Variants in ACTR3B observed in about 807,000 individuals in gnomAD.
ACTR3B encodes actin-related protein 3B.
ACTR3B carries 8 observed loss-of-function variants against 59.0 expected under a neutral mutation model. That is an observed-to-expected ratio of 0.14 (90% CI 0.08 to 0.24). The LOEUF is 0.24. ACTR3B is among the 10% of genes least tolerant of loss of function. The pLI is 1.00. For missense variants in ACTR3B, 245 were observed against 552.3 expected (o/e 0.44, Z 5.58); for synonymous variants, 148 against 197.9 (o/e 0.75, Z 2.12).
chr7:152,815,319 G>A (rs1387516841), intron 5 of ACTR3B, among the ~76,000 whole-genome samples: 1 of 152,234 alleles, frequency 6.6e-6, no homozygotes, highest in Non-Finnish European at 1.5e-5. Context: ...GCGCCTATCA[G>A]CACAGTCCAG....
intron 1 of ACTR3B, among the ~76,000 whole-genome samples, chr7:152,778,943 C>CAAAAAAAAA (rs59789390): frequency 1.1e-4 from 4 of 36,798 alleles, no homozygotes; most frequent in Non-Finnish European, 1.8e-4. Context: ...ACTGTGTCTC[C>CAAAAAAAAA]AAAAAAAAAA....
chr7:152,766,997 A>C (rs931647857), intron 1 of ACTR3B, among the ~76,000 whole-genome samples: 4 of 151,820 alleles, frequency 2.6e-5, no homozygotes, highest in Non-Finnish European at 5.9e-5. Context: ...CATATTGGTC[A>C]GGCTGATCTC....
intron 1 of ACTR3B, among the ~76,000 whole-genome samples, chr7:152,765,409 G>A (rs899862501): frequency 9.4e-5 from 14 of 149,224 alleles, no homozygotes; most frequent in Non-Finnish European, 7.4e-5. Context: ...GAGCCACTGC[G>A]CCTGGCTTTT....
At chr7:152,850,269 G>T (rs910556980) in intron 9 of ACTR3B, among the ~76,000 whole-genome samples, 9 of 150,496 alleles carry the variant, frequency 6.0e-5, no homozygotes, top group Non-Finnish European at 1.5e-5. Flanking sequence ...GGCTTCTCCA[G>T]GTAGAAGTTC....
At chr7:152,779,847 A>G (rs1263816882) in intron 1 of ACTR3B, among the ~76,000 whole-genome samples, 3 of 152,182 alleles carry the variant, frequency 2.0e-5, no homozygotes, top group Non-Finnish European at 4.4e-5. Context: ...AATGTCTCAG[A>G]TTTTGTTTGA....
At chr7:152,843,376 T>A (rs1798019602) in intron 9 of ACTR3B, among the ~76,000 whole-genome samples, 1 of 152,254 alleles carries the variant, frequency 6.6e-6, no homozygotes, top group South Asian at 2.1e-4. Context: ...AATGAGAAAG[T>A]AAATAAATGT....
Position 152,849,070 on chromosome 7 carries a change from G to A in ACTR3B, c.952-3056G>A, listed in dbSNP as rs115255058. Among the ~76,000 whole-genome samples the A allele has an allele frequency of 2.7e-3, 407 of 152,306 alleles. 1 individual carries two copies. The highest frequency in any genetic ancestry group is 3.6e-3 in the Non-Finnish European group (245 of 68,032). ...GAGGGGCGTCAGGGGGCTGCCTCTC[G>A]AGAAATGGACGTGACAGCGGTTTCC... On this transcript the variant is annotated intron_variant, in intron 9 of 11. Coordinates refer to ENST00000256001, the MANE Select transcript of ACTR3B (RefSeq NM_020445.6).
chr7:152,831,502 C>T (rs1756259441), intron 9 of ACTR3B, among the ~76,000 whole-genome samples: 1 of 152,138 alleles, frequency 6.6e-6, no homozygotes, highest in Non-Finnish European at 1.5e-5. Flanking sequence ...CCACTGAGCC[C>T]CTGAAATGTG....
chr7:152,766,728 G>T (rs1379411623), intron 1 of ACTR3B, among the ~76,000 whole-genome samples: 3 of 152,150 alleles, frequency 2.0e-5, no homozygotes, highest in Non-Finnish European at 4.4e-5. Context: ...TAGATTTTGA[G>T]TCATAGTTAA....
At chr7:152,837,741 C>T (rs1284939010) in intron 9 of ACTR3B, among the ~76,000 whole-genome samples, 2 of 152,174 alleles carry the variant, frequency 1.3e-5, no homozygotes, top group South Asian at 2.1e-4. Flanking sequence ...ATAACGGTAC[C>T]TGTCACACTG....
chr7:152,839,044 C>T (rs1280459493), intron 9 of ACTR3B, among the ~76,000 whole-genome samples: 1 of 151,332 alleles, frequency 6.6e-6, no homozygotes, highest in African/African-American at 2.4e-5. Flanking sequence ...TGGCAGGGAG[C>T]ATGAGGCTGT....
chr7:152,831,041 C>T (rs1462006151), intron 9 of ACTR3B, among the ~76,000 whole-genome samples: 1 of 152,178 alleles, frequency 6.6e-6, no homozygotes, highest in Non-Finnish European at 1.5e-5. Flanking sequence ...GGCTAGTGGG[C>T]AGAGAAGGTT....
At chr7:152,815,992 G>A (rs531211312) in intron 5 of ACTR3B, among the ~76,000 whole-genome samples, 2 of 151,662 alleles carry the variant, frequency 1.3e-5, no homozygotes, top group Non-Finnish European at 2.9e-5. Flanking sequence ...TGTTGTCCAG[G>A]CTGGAGTGCA....
In ACTR3B at chr7:152,854,322, G is replaced by A; in HGVS notation, c.1162-136G>A. 1.4e-6 allele frequency: 1 copy of A among 731,372 alleles called. No homozygotes were observed. 45.3% of individuals were successfully genotyped at this position (731,372 alleles called of 1,614,324 possible). On this transcript the variant is annotated intron_variant, in intron 11 of 11. Transcript: ENST00000256001. This position sits in a 1 kb window ranked among gnomAD's most constrained non-coding sequence, Gnocchi z 4.9. ...TTTAGTAGTTTAGTACATCAGAGAG[G>A]TAAAATCTTGCAGCAGCGGTCCTGG... is the stretch of plus-strand genomic sequence containing the variant.
intron 1 of ACTR3B, among the ~76,000 whole-genome samples, chr7:152,763,558 G>A (rs923419311): frequency 4.0e-5 from 6 of 151,710 alleles, no homozygotes; most frequent in African/African-American, 1.5e-4. Context: ...TGGGTAGCTG[G>A]GATTACAGGC....
chr7:152,803,602 G>A (rs539446287), intron 4 of ACTR3B, among the ~76,000 whole-genome samples: 1 of 152,224 alleles, frequency 6.6e-6, no homozygotes, highest in Admixed American at 6.5e-5. Context: ...TCTTAGGCAT[G>A]TGGAGCAAAT....
At chr7:152,766,920 G>C (rs959906272) in intron 1 of ACTR3B, among the ~76,000 whole-genome samples, 5 of 152,026 alleles carry the variant, frequency 3.3e-5, no homozygotes, top group African/African-American at 1.2e-4. Flanking sequence ...CCGAGTAGCT[G>C]GGACTACAGG....
At chr7:152,767,194 C>T (rs1223027035) in intron 1 of ACTR3B, among the ~76,000 whole-genome samples, 1 of 151,688 alleles carries the variant, frequency 6.6e-6, no homozygotes, top group African/African-American at 2.4e-5. Flanking sequence ...CCAGTTGGAT[C>T]CACTTTTGTG....
At chr7:152,847,625 G>A (rs1379097834) in intron 9 of ACTR3B, among the ~76,000 whole-genome samples, 1 of 152,196 alleles carries the variant, frequency 6.6e-6, no homozygotes, top group African/African-American at 2.4e-5. Context: ...AGGAATCTGG[G>A]TGAGGAGAAG....
Sources: allele counts gnomAD v4.1 joint callset (sites outside exome capture counted in the v4.1 genomes callset), GRCh38; gene constraint gnomAD v4.1.1; non-coding constraint Gnocchi (gnomAD v3.1); transcripts MANE v1.5; gene names NCBI Gene and HGNC (gene_info 2026-07-23, HGNC 2026-07-21).